TENM2: variants seen among roughly 807,000 people sequenced by gnomAD.
TENM2 encodes teneurin transmembrane protein 2, also known as teneurin-2.
A neutral mutation model predicts 245.2 loss-of-function variants in TENM2; 52 were observed. The ratio of observed to expected loss-of-function variants is 0.21; its 90% CI spans 0.17 to 0.27. TENM2 has a LOEUF of 0.27. TENM2 is among the 10% of genes least tolerant of loss of function. The pLI is 1.00. For synonymous variants in TENM2, 1,363 were observed against 1,438.9 expected, an observed-to-expected ratio of 0.95 and a Z score of 1.19; for missense variants, 3,046 against 3,666.8, an observed-to-expected ratio of 0.83 and a Z score of 4.37.
intron 20 of TENM2, among the ~76,000 whole-genome samples, chr5:168,212,777 C>G (rs993613626): frequency 2.6e-5 from 4 of 152,142 alleles, no homozygotes; most frequent in Non-Finnish European, 5.9e-5. Flanking sequence ...AATTCACCAA[C>G]CTCATGTGAT....
intron 2 of TENM2, among the ~76,000 whole-genome samples, chr5:167,572,367 T>C (rs1774327764): frequency 6.6e-6 from 1 of 152,210 alleles, no homozygotes; most frequent in African/African-American, 2.4e-5. Flanking sequence ...CATAAGATAG[T>C]TGAAATGGTT....
At chr5:167,067,296 T>C in the TENM2 span, among the ~76,000 whole-genome samples, 28 of 152,328 alleles carry the variant, frequency 1.8e-4, no homozygotes, top group African/African-American at 6.0e-4. Flanking sequence ...TTCTAAACTT[T>C]TGCAGAATTT....
At chr5:167,285,385 T>C (rs1771277669) in intron 1 of TENM2, among the ~76,000 whole-genome samples, 1 of 152,204 alleles carries the variant, frequency 6.6e-6, no homozygotes, top group South Asian at 2.1e-4. Context: ...TTTGAAATAG[T>C]GTATAATAAT....
chr5:167,428,326 C>G (rs2127437253), intron 2 of TENM2, among the ~76,000 whole-genome samples: 1 of 152,192 alleles, frequency 6.6e-6, no homozygotes, highest in Non-Finnish European at 1.5e-5. Context: ...TAAATACAAC[C>G]AAATTTTAGT....
chr5:167,549,560 G>C (rs187793957), intron 2 of TENM2, among the ~76,000 whole-genome samples: 53 of 152,152 alleles, frequency 3.5e-4, no homozygotes, highest in Non-Finnish European at 6.0e-4. Context: ...TCAAAAAGAA[G>C]CAGCCTAAAA....
chr5:167,899,604 C>A (rs1187910780), intron 3 of TENM2, among the ~76,000 whole-genome samples: 1 of 152,108 alleles, frequency 6.6e-6, no homozygotes, highest in East Asian at 1.9e-4. Flanking sequence ...GGAGTGAATT[C>A]AGGAAGTCCA....
intron 1 of TENM2, among the ~76,000 whole-genome samples, chr5:167,338,480 A>G (rs1283769018): frequency 6.6e-6 from 1 of 152,254 alleles, no homozygotes; most frequent in Non-Finnish European, 1.5e-5. Flanking sequence ...CAATTAAAAT[A>G]GAACGTGGGG....
the TENM2 span, among the ~76,000 whole-genome samples, chr5:167,036,482 A>G: frequency 5.3e-5 from 8 of 152,226 alleles, no homozygotes; most frequent in South Asian, 2.1e-4. Context: ...TTGTCACCCA[A>G]TACAACAATT....
the TENM2 span, among the ~76,000 whole-genome samples, chr5:167,279,514 T>TTCCCTTCCTTCCTTCC: frequency 2.9e-3 from 281 of 98,294 alleles, 3 homozygotes; most frequent in African/African-American, 9.1e-3. Flanking sequence ...CCTTCCTTCC[T>TTCCCTTCCTTCCTTCC]TTCCTTCCTT....
At chr5:167,828,396 T>C (rs1192477547) in intron 2 of TENM2, among the ~76,000 whole-genome samples, 1 of 152,214 alleles carries the variant, frequency 6.6e-6, no homozygotes, top group Non-Finnish European at 1.5e-5. Context: ...TTGCAGCACC[T>C]GTCACACCAT....
At chr5:167,758,957 G>A (rs1762485694) in intron 2 of TENM2, among the ~76,000 whole-genome samples, 1 of 151,596 alleles carries the variant, frequency 6.6e-6, no homozygotes, top group Non-Finnish European at 1.5e-5. Flanking sequence ...CCACCATACT[G>A]CTTTTACTAT....
At chr5:167,489,053 C>A (rs1768265929) in intron 2 of TENM2, among the ~76,000 whole-genome samples, 1 of 152,130 alleles carries the variant, frequency 6.6e-6, no homozygotes, top group Admixed American at 6.5e-5. Context: ...TAACTCTGGT[C>A]GAAGCCACCA....
chr5:167,371,334 G>GTTTTTTTTTTTT (rs768614312), intron 1 of TENM2, among the ~76,000 whole-genome samples: 1 of 128,970 alleles, frequency 7.8e-6, no homozygotes, highest in Non-Finnish European at 1.6e-5. Context: ...ATGGCTCCCT[G>GTTTTTTTTTTTT]TTTTTTTTTT....
At chr5:167,746,437 G>T (rs1410925966) in intron 2 of TENM2, among the ~76,000 whole-genome samples, 2 of 150,872 alleles carry the variant, frequency 1.3e-5, no homozygotes, top group Admixed American at 1.3e-4. Flanking sequence ...CTAGAACCAA[G>T]TTGGGTAAAG....
chr5:167,638,650 T>C (rs1375538834), intron 2 of TENM2, among the ~76,000 whole-genome samples: 1 of 152,250 alleles, frequency 6.6e-6, no homozygotes, highest in Admixed American at 6.5e-5. Flanking sequence ...TATTTAAAGA[T>C]CAATTTAGCC....
the TENM2 span, among the ~76,000 whole-genome samples, chr5:167,071,990 T>C: frequency 6.9e-6 from 1 of 145,432 alleles, no homozygotes; most frequent in Non-Finnish European, 1.5e-5. Context: ...CTTCTCAGAG[T>C]GGTTGGGAAG....
At chr5:168,212,783 G>C (rs1180710347) in intron 20 of TENM2, among the ~76,000 whole-genome samples, 1 of 152,154 alleles carries the variant, frequency 6.6e-6, no homozygotes, top group East Asian at 1.9e-4. Context: ...CCAACCTCAT[G>C]TGATCTTTGC....
chr5:167,590,796 G>A (rs1297145745), intron 2 of TENM2, among the ~76,000 whole-genome samples: 4 of 151,708 alleles, frequency 2.6e-5, no homozygotes, highest in Non-Finnish European at 4.4e-5. Flanking sequence ...TTTGTGTTTT[G>A]ACCCACTTCT....
rs777180325 is a variant in TENM2, at chr5:167,583,510, A to ACACACC, written c.502+208038_502+208039insACACCC. On this transcript the variant is annotated intron_variant, in intron 2 of 28. Transcript: ENST00000518659. The stretch of plus-strand genomic sequence containing the variant: ...CACACACACACACACACACACACAC[A>ACACACC]CCCCAAACCTATCTTAAAACAAAAC... Among the ~76,000 whole-genome samples the ACACACC allele has an allele frequency of 4.7e-3, 707 of 149,962 alleles. 1 individual carries two copies. Among genetic ancestry groups the ACACACC allele is most frequent in the Admixed American group, 6.8e-3 (102 of 14,970 alleles).
Sources: allele counts gnomAD v4.1 joint callset (sites outside exome capture counted in the v4.1 genomes callset), GRCh38; gene constraint gnomAD v4.1.1; transcripts MANE v1.5; gene names NCBI Gene and HGNC (gene_info 2026-07-23, HGNC 2026-07-21).